FLT1: variants seen among roughly 807,000 people sequenced by gnomAD.
The protein encoded by FLT1 is fms related receptor tyrosine kinase 1, also known as vascular endothelial growth factor receptor 1.
FLT1 carries 49 observed loss-of-function variants against 156.3 expected under a neutral mutation model. That is an observed-to-expected ratio of 0.31 (90% CI 0.25 to 0.40). The LOEUF is 0.40. Ranked by LOEUF, FLT1 falls within the 10% of genes least tolerant of loss-of-function variation. The pLI, the probability that FLT1 is intolerant of heterozygous loss-of-function variation, is 1.00. For synonymous variants in FLT1, 594 were observed against 583.8 expected (o/e 1.02, Z -0.25); for missense variants, 1,322 against 1,637.2 (o/e 0.81, Z 3.32).
intron 3 of FLT1, among the ~76,000 whole-genome samples, chr13:28,451,974 T>C (rs867324477): frequency 2.0e-5 from 3 of 152,148 alleles, no homozygotes; most frequent in Non-Finnish European, 4.4e-5. Flanking sequence ...TGTTGCCAAG[T>C]GGAAATATGC....
intron 26 of FLT1, 116 bp from the exon 27 acceptor site, chr13:28,311,848 G>A: frequency 7.9e-7 from 1 of 1,259,484 alleles, no homozygotes; most frequent in Non-Finnish European, 1.2e-6. Flanking sequence ...GTTTTGAGAA[G>A]ATAATTCTGT....
intron 14 of FLT1, among the ~76,000 whole-genome samples, chr13:28,372,048 G>GTGTGTGTATATA (rs1288888215): frequency 1.3e-5 from 1 of 75,586 alleles, no homozygotes; most frequent in African/African-American, 6.3e-5. Context: ...GTGTGTGTGT[G>GTGTGTGTATATA]TATATATATA....
At chr13:28,313,052 T>C (rs575979769) in intron 25 of FLT1, among the ~76,000 whole-genome samples, 1 of 152,108 alleles carries the variant, frequency 6.6e-6, no homozygotes, top group South Asian at 2.1e-4. Flanking sequence ...GATCTCAGCT[T>C]ACTGCAACCT....
chr13:28,387,355 A>G (rs1874423842), intron 13 of FLT1: 2 of 1,048,418 alleles, frequency 1.9e-6, no homozygotes, highest in Non-Finnish European at 2.3e-6. Context: ...CTTACTTTAT[A>G]CATTATAATA....
At chr13:28,337,078 G>A (rs887871537) in intron 17 of FLT1, among the ~76,000 whole-genome samples, 4 of 151,864 alleles carry the variant, frequency 2.6e-5, no homozygotes, top group African/African-American at 9.7e-5. Flanking sequence ...ATATATAGGA[G>A]CTGAATTATC....
intron 15 of FLT1, among the ~76,000 whole-genome samples, chr13:28,348,538 C>T (rs1872636995): frequency 6.6e-6 from 1 of 152,146 alleles, no homozygotes; most frequent in African/African-American, 2.4e-5. Flanking sequence ...ACTTATTCAC[C>T]CTACTCATCA....
chr13:28,466,830 C>T (rs1185018861), intron 3 of FLT1, 73 bp downstream of exon 3: 2 of 1,068,812 alleles, frequency 1.9e-6, no homozygotes, highest in Non-Finnish European at 1.4e-6. Flanking sequence ...GCAACCTTTC[C>T]AATGGATCAG....
At chr13:28,329,777 T>G in intron 18 of FLT1, 49 bp from the exon 19 acceptor site, 3 of 1,477,720 alleles carry the variant, frequency 2.0e-6, no homozygotes, top group African/African-American at 1.4e-5. Flanking sequence ...ATGGGGCTCC[T>G]TCCGCCGGAG....
At chr13:28,342,216 T>C (rs959098401) in intron 16 of FLT1, among the ~76,000 whole-genome samples, 1 of 152,122 alleles carries the variant, frequency 6.6e-6, no homozygotes, top group African/African-American at 2.4e-5. Flanking sequence ...TGCTCCTCTA[T>C]GCTAAGTAAC....
rs773683851 is a variant in FLT1 at position 28,303,251 on chromosome 13, G to A, written c.3933C>T (p.His1311=). 1.4e-5 allele frequency: 22 copies of A among 1,613,818 alleles called. No individual in the cohort carries two copies. The highest frequency in any genetic ancestry group is 1.2e-4 in the Admixed American group (7 of 59,994). ...ACGCGATTTTCCTTTCCAGCTCAGC[G>A]TGGTCGTAGGTGAACCTGCGCTTGC... ...SEGKRRFTYD[H]AELERKIACC... The change falls in exon 30 of 30, where the codon CAC becomes CAT. Residue 1311 remains histidine, a synonymous_variant. Transcript: ENST00000282397.
intron 10 of FLT1, among the ~76,000 whole-genome samples, chr13:28,417,196 CA>C (rs1593768649): frequency 6.6e-6 from 1 of 152,234 alleles, no homozygotes; most frequent in Non-Finnish European, 1.5e-5. Context: ...AAAAATTTCA[CA>C]TCAGGTCCAA....
intron 28 of FLT1, 130 bp from the exon 29 acceptor site, chr13:28,306,902 G>A: frequency 1.4e-6 from 1 of 698,130 alleles, no homozygotes; most frequent in Non-Finnish European, 2.6e-6. Flanking sequence ...CCAGCCTATT[G>A]AGACAAAGCA....
chr13:28,309,161 A>G (rs1309499104), intron 27 of FLT1, among the ~76,000 whole-genome samples: 1 of 152,108 alleles, frequency 6.6e-6, no homozygotes, highest in Non-Finnish European at 1.5e-5. Context: ...TCCCAGAGGG[A>G]CCTACTCTGG....
At chr13:28,321,703 A>C in intron 22 of FLT1, 118 bp from the exon 23 acceptor site, 1 of 992,624 alleles carries the variant, frequency 1.0e-6, no homozygotes. Context: ...TGAAGGGAGC[A>C]CCTCTCGGTG....
intron 1 of FLT1, among the ~76,000 whole-genome samples, chr13:28,485,656 A>T (rs182260554): frequency 6.6e-5 from 10 of 152,306 alleles, no homozygotes; most frequent in African/African-American, 2.2e-4. Context: ...CTCCACGCAG[A>T]GAGGCATCTG....
chr13:28,357,976 G>A (rs896290518), intron 14 of FLT1, among the ~76,000 whole-genome samples: 1 of 141,912 alleles, frequency 7.0e-6, no homozygotes, highest in Non-Finnish European at 1.5e-5. Flanking sequence ...CCTGTAGAAA[G>A]AAATGTGAGG....
At chr13:28,317,646 A>G (rs760389686) in intron 24 of FLT1, 49 bp from the exon 25 acceptor site, 2 of 1,170,910 alleles carry the variant, frequency 1.7e-6, no homozygotes, top group Non-Finnish European at 1.3e-6. Flanking sequence ...GCTTAAGGGT[A>G]CAAAAGACCA....
chr13:28,471,811 A>T (rs978539012), intron 1 of FLT1, among the ~76,000 whole-genome samples: 3 of 152,198 alleles, frequency 2.0e-5, no homozygotes, highest in African/African-American at 7.2e-5. Context: ...CCCTTCTGTG[A>T]ACTACTGTTT....
intron 11 of FLT1, chr13:28,399,016 T>C (rs1276103829): frequency 6.7e-7 from 1 of 1,483,776 alleles, no homozygotes; most frequent in African/African-American, 1.4e-5. Flanking sequence ...GCCATTTCCT[T>C]GTAATTGTTG....
Sources: allele counts gnomAD v4.1 joint callset (sites outside exome capture counted in the v4.1 genomes callset), GRCh38; gene constraint gnomAD v4.1.1; transcripts MANE v1.5; gene names NCBI Gene and HGNC (gene_info 2026-07-23, HGNC 2026-07-21).